Variants in ADGRG6 observed in about 807,000 individuals in gnomAD.
ADGRG6 encodes G-protein coupled receptor 126.
A neutral mutation model predicts 142.4 loss-of-function variants in ADGRG6; 84 were observed. The ratio of observed to expected loss-of-function variants is 0.59; its 90% CI spans 0.49 to 0.71. The LOEUF (loss-of-function observed/expected upper bound fraction) is 0.71. ADGRG6 is among the 30% of genes least tolerant of loss of function. The pLI, the probability that ADGRG6 is intolerant of heterozygous loss-of-function variation, is 0.00. For missense variants in ADGRG6, 1,367 were observed against 1,466.6 expected, an observed-to-expected ratio of 0.93 and a Z score of 1.11; for synonymous variants, 521 against 520.5, an observed-to-expected ratio of 1.00 and a Z score of -0.01.
intron 22 of ADGRG6, among the ~76,000 whole-genome samples, chr6:142,429,084 T>C (rs924159028): frequency 6.6e-6 from 1 of 152,200 alleles, no homozygotes; most frequent in Non-Finnish European, 1.5e-5. Flanking sequence ...CAGAGAATAT[T>C]CTACTTCCAT....
rs548202570 is a variant in ADGRG6, at chr6:142,366,896, C to T, written c.104-673C>T. ...AAATGAATGAGTAAATGAGATGAGC[C>T]CACAAGCATATAATTACCAACTGTG... On this transcript the variant is annotated intron_variant, in intron 2 of 24. Coordinates refer to ENST00000367609, the MANE Select transcript of ADGRG6 (RefSeq NM_198569.3). 2.6e-4 allele frequency among the ~76,000 whole-genome samples: 39 copies of T among 151,788 alleles called. 1 individual carries two copies. In the South Asian group the frequency reaches 8.1e-3, roughly 32 times the overall value.
Position 142,437,492 on chromosome 6 carries a change from GC to G in ADGRG6, c.3379del (p.Gln1127SerfsTer10). 1.3e-6 allele frequency: 2 copies of G among 1,586,024 alleles called. No homozygotes were observed. Among genetic ancestry groups the G allele is most frequent in the Non-Finnish European group, 1.7e-6 (2 of 1,154,612 alleles). On this transcript the variant is annotated frameshift_variant, in exon 23 of 25. Transcript: ENST00000367609. LOFTEE classifies it high-confidence loss of function. ...AGGAGAATGTTCAGAAACAGTGGCG[GC>G]AGCATCTCTGCTGTGGTAGATTTCG... is the stretch of plus-strand genomic sequence containing the variant. ...MKENVQKQWR[Q>X]HLCCGRFRLA...
intron 1 of ADGRG6, among the ~76,000 whole-genome samples, chr6:142,305,817 T>C (rs1774290835): frequency 6.6e-6 from 1 of 152,150 alleles, no homozygotes; most frequent in Admixed American, 6.6e-5. Context: ...TTAAGATTTG[T>C]GCAGGGTTGA....
chr6:142,416,033 A>T lies in ADGRG6; in HGVS notation c.2907A>T (p.Arg969=). 6.2e-7 allele frequency: 1 copy of T among 1,612,932 alleles called. No homozygotes were observed. Among genetic ancestry groups the T allele is most frequent in the South Asian group, 1.1e-5 (1 of 91,034 alleles). ...AAGTATTTAACACTTACATTCGCCG[A>T]TACATTCTAAAATTCTGCATCATTG... ...LVKVFNTYIR[R]YILKFCIIGW... Residue 969 remains arginine, a synonymous_variant, in exon 20 of 25, where the codon CGA becomes CGT. Transcript: ENST00000367609.
intron 2 of ADGRG6, 121 bp from the exon 3 acceptor site, chr6:142,367,448 A>T: frequency 1.3e-5 from 8 of 623,604 alleles, no homozygotes; most frequent in South Asian, 2.5e-5. Context: ...ATTTTTTATG[A>T]TTGTATGTTG....
At chr6:142,326,513 CTT>C (rs796807185) in intron 2 of ADGRG6, among the ~76,000 whole-genome samples, 4 of 139,334 alleles carry the variant, frequency 2.9e-5, no homozygotes, top group Admixed American at 7.2e-5. Flanking sequence ...AGACTCTTGG[CTT>C]TTTTTTTTTT....
rs137876916 is a variant in ADGRG6, at chr6:142,351,551, A to G, written c.104-16018A>G. Among the ~76,000 whole-genome samples the G allele has an allele frequency of 3.2e-3, 486 of 152,324 alleles. 5 individuals carry two copies. Among genetic ancestry groups the G allele is most frequent in the African/African-American group, 0.011 (459 of 41,582 alleles). ...TTCCTTACACTACACACAAAAATCA[A>G]TATAAGATAGATCAAAGATTAAATA... On this transcript the variant is annotated intron_variant, in intron 2 of 24. Coordinates refer to ENST00000367609, the MANE Select transcript of ADGRG6 (RefSeq NM_198569.3).
intron 7 of ADGRG6, among the ~76,000 whole-genome samples, chr6:142,390,968 G>GT (rs1251400924): frequency 4.0e-5 from 6 of 151,172 alleles, no homozygotes; most frequent in Admixed American, 1.3e-4. Context: ...AGAACTACAT[G>GT]TTTTTTTTGT....
At chr6:142,321,312 C>CACACACACAT (rs200417319) in intron 2 of ADGRG6, among the ~76,000 whole-genome samples, 4 of 150,926 alleles carry the variant, frequency 2.7e-5, no homozygotes, top group African/African-American at 7.3e-5. Context: ...CACACACACA[C>CACACACACAT]GTGTATATAC....
Position 142,370,314 on chromosome 6 carries a change from G to A in ADGRG6, c.590G>A (p.Ser197Asn), listed in dbSNP as rs754447651. Residue 197 changes from serine (S) to asparagine (N), a missense_variant, in exon 4 of 25, where the codon AGT becomes AAT. Physicochemically the swap from Ser to Asn is conservative, Grantham distance 46. Coordinates refer to ENST00000367609, the MANE Select transcript of ADGRG6 (RefSeq NM_198569.3). The part of the protein sequence containing the change: ...FEATKVGHED[S>N]DWTAFSYSNA... ...GCAACCAAAGTTGGCCATGAAGACA[G>A]TGATTGGACAGCTTTCTCCTACTCA... 2 of 1,613,860 alleles carry A rather than the reference G, an allele frequency of 1.2e-6. No homozygotes were observed. Among genetic ancestry groups the A allele is most frequent in the Admixed American group, 3.3e-5 (2 of 60,008 alleles).
At chr6:142,397,450 A>C (rs967925020) in intron 9 of ADGRG6, among the ~76,000 whole-genome samples, 163 bp from the exon 10 acceptor site, 4 of 152,226 alleles carry the variant, frequency 2.6e-5, no homozygotes, top group Admixed American at 6.5e-5. Context: ...TTTTAACATT[A>C]TAATTTACAC....
intron 2 of ADGRG6, among the ~76,000 whole-genome samples, chr6:142,312,642 A>C (rs1236342919): frequency 6.6e-6 from 1 of 152,110 alleles, no homozygotes; most frequent in Non-Finnish European, 1.5e-5. Flanking sequence ...TGGGAGAGTA[A>C]TTAGGTAACA....
chr6:142,316,493 A>G (rs1431193867), intron 2 of ADGRG6, among the ~76,000 whole-genome samples: 1 of 152,226 alleles, frequency 6.6e-6, no homozygotes, highest in Non-Finnish European at 1.5e-5. Flanking sequence ...GATTAAAGAG[A>G]ATTATTGAAG....
At position 142,443,442 on chromosome 6, in the gene ADGRG6, G is replaced by T. The variant is rs1226710696; in HGVS notation, c.3680G>T (p.Cys1227Phe). 1.2e-6 allele frequency: 2 copies of T among 1,611,328 alleles called. No individual in the cohort carries two copies. Among genetic ancestry groups the T allele is most frequent in the East Asian group, 4.5e-5 (2 of 44,830 alleles). ...HQVIDKVKGY[C>F]NAHSDNFYKN... ...GTCATTGATAAGGTCAAGGGTTATT[G>T]CAATGCTCATTCAGACAACTTCTAT... is the stretch of plus-strand genomic sequence containing the variant. The change falls in exon 25 of 25, where the codon TGC (cysteine) becomes TTC (phenylalanine). Residue 1227 changes from cysteine (C) to phenylalanine (F), a missense_variant. Physicochemically the swap from Cys to Phe is radical, Grantham distance 205. Transcript: ENST00000367609.
Position 142,415,010 on chromosome 6 carries a change from TA to T in ADGRG6, c.2586del (p.Val863SerfsTer22). On this transcript the variant is annotated frameshift_variant, in exon 19 of 25. Coordinates refer to ENST00000367609, the MANE Select transcript of ADGRG6 (RefSeq NM_198569.3). LOFTEE classifies it high-confidence loss of function. The stretch of plus-strand genomic sequence containing the variant: ...CCTCACAGTTAGATGCAAGAAACAC[TA>T]AAGTCCTCACTTTCATCAGCTATAT... ...SASQLDARNT[K>X]VLTFISYIGC... The T allele has an allele frequency of 6.2e-7, 1 of 1,611,760 alleles. No homozygotes were observed. The highest frequency in any genetic ancestry group is 2.2e-5 in the East Asian group (1 of 44,742).
chr6:142,383,564 G>C (rs898526307), intron 5 of ADGRG6, among the ~76,000 whole-genome samples, 196 bp from the exon 6 acceptor site: 5 of 152,018 alleles, frequency 3.3e-5, no homozygotes, highest in Admixed American at 1.3e-4. Context: ...AGCATCAAAG[G>C]CCATGTGTAC....
intron 2 of ADGRG6, among the ~76,000 whole-genome samples, chr6:142,327,301 C>A (rs189992305): frequency 6.6e-6 from 1 of 151,502 alleles, no homozygotes; most frequent in African/African-American, 2.4e-5. Flanking sequence ...CTAGGAGGAA[C>A]TGGAAGTACC....
intron 19 of ADGRG6, 107 bp downstream of exon 19, chr6:142,415,203 G>A (rs945936707): frequency 1.9e-5 from 12 of 623,640 alleles, no homozygotes; most frequent in African/African-American, 9.4e-5. Context: ...GTGGTTGAAC[G>A]TTAATGTTCA....
At chr6:142,329,354 C>G (rs950321093) in intron 2 of ADGRG6, among the ~76,000 whole-genome samples, 4 of 152,056 alleles carry the variant, frequency 2.6e-5, no homozygotes, top group Non-Finnish European at 5.9e-5. Context: ...TTTGCAATTT[C>G]ATTTTAATAA....
Sources: gnomAD v4.1 joint callset for allele counts (sites outside exome capture counted in the v4.1 genomes callset) on GRCh38, gnomAD v4.1.1 for gene constraint, MANE v1.5 for transcripts, NCBI Gene and HGNC (gene_info 2026-07-23, HGNC 2026-07-21) for gene names.